The following NXPE1 variants were observed in gnomAD, a reference collection of about 807,000 sequenced individuals.
The protein encoded by NXPE1 is NXPE family member 1.
In NXPE1, 31 loss-of-function variants were observed where a neutral mutation model predicts 33.3. That is an observed-to-expected ratio of 0.93 (90% CI 0.70 to 1.26). The LOEUF is 1.26. Ranked by LOEUF, NXPE1 falls within the 50% of genes most tolerant of loss-of-function variation. The probability of loss-of-function intolerance (pLI) is 0.00; values close to 1 mark genes in which losing one functional copy is unlikely to be tolerated. For synonymous variants in NXPE1, 229 were observed against 231.4 expected, an observed-to-expected ratio of 0.99 and a Z score of 0.09; for missense variants, 661 against 655.6, an observed-to-expected ratio of 1.01 and a Z score of -0.09.
intron 5 of NXPE1, among the ~76,000 whole-genome samples, chr11:114,535,831 T>C (rs1358517197): frequency 6.6e-6 from 1 of 152,088 alleles, no homozygotes; most frequent in African/African-American, 2.4e-5. Flanking sequence ...ACAATAATAA[T>C]GGGAGACGTT....
In NXPE1 at chr11:114,540,885, T is replaced by TTTTTG. The variant is rs754802719; in HGVS notation, c.100-9978_100-9977insCAAAA. On this transcript the variant is annotated intron_variant, in intron 5 of 8. Transcript: ENST00000534921. The stretch of plus-strand genomic sequence containing the variant: ...TTTTTTTTTTTTTTTTTTTTTTTTT[T>TTTTTG]GGCTTGAACAACCTGAGAGCAGAGT... Among the ~76,000 whole-genome samples the TTTTTG allele has an allele frequency of 9.8e-5, 8 of 81,290 alleles. 3 individuals carry two copies. The highest frequency in any genetic ancestry group is 4.0e-4 in the South Asian group (1 of 2,526). The allele number at this position is 81,290 out of a possible 152,430, so 53.3% of individuals were successfully genotyped here.
chr11:114,530,986 G>A (rs757118228), intron 5 of NXPE1, 78 bp from the exon 6 acceptor site: 80 of 1,351,710 alleles, frequency 5.9e-5, no homozygotes, highest in Middle Eastern at 1.9e-4. Flanking sequence ...TTGAATATTT[G>A]TTTACAGTGA....
At chr11:114,545,634 G>C (rs370650462) in intron 5 of NXPE1, among the ~76,000 whole-genome samples, 1 of 151,920 alleles carries the variant, frequency 6.6e-6, no homozygotes, top group Non-Finnish European at 1.5e-5. Flanking sequence ...GTATGATACT[G>C]TTGTGTATAC....
intron 5 of NXPE1, among the ~76,000 whole-genome samples, chr11:114,533,678 T>TACGC (rs1947677185): frequency 6.6e-6 from 1 of 152,214 alleles, no homozygotes; most frequent in Non-Finnish European, 1.5e-5. Flanking sequence ...CCACGGAGCC[T>TACGC]TGCTCATTGC....
At chr11:114,519,006 G>T (rs962617625), downstream of NXPE1, among the ~76,000 whole-genome samples, 3 of 152,160 alleles carry the variant, frequency 2.0e-5, no homozygotes, top group Admixed American at 2.0e-4. Context: ...ACAGGGACAA[G>T]ATTTCCAGAT....
intron 5 of NXPE1, among the ~76,000 whole-genome samples, chr11:114,544,556 C>A (rs955418877): frequency 6.6e-6 from 1 of 152,032 alleles, no homozygotes; most frequent in Non-Finnish European, 1.5e-5. Context: ...ACAGACCTCA[C>A]AATTGACAGA....
intron 8 of NXPE1, 92 bp downstream of exon 8, chr11:114,522,787 A>G: frequency 1.1e-6 from 1 of 924,306 alleles, no homozygotes; most frequent in Non-Finnish European, 1.7e-6. Context: ...TGAAGTAAAA[A>G]ACAAAATAGC....
intron 5 of NXPE1, among the ~76,000 whole-genome samples, chr11:114,541,511 C>T (rs4938116): frequency 0.23 from 34,495 of 152,138 alleles, 5,508 homozygotes; most frequent in African/African-American, 0.44. Flanking sequence ...TGAGCGACCA[C>T]GACACGTGAC....
chr11:114,552,767 T>G (rs1948540945), intron 2 of NXPE1, 85 bp downstream of exon 2: 1 of 452,206 alleles, frequency 2.2e-6, no homozygotes, highest in Non-Finnish European at 2.9e-6. Context: ...AAAGTATGAT[T>G]GCTATTGCAC....
At chr11:114,548,716 T>G (rs1263622964) in intron 5 of NXPE1, among the ~76,000 whole-genome samples, 6 of 151,716 alleles carry the variant, frequency 4.0e-5, no homozygotes, top group African/African-American at 1.4e-4. Context: ...GAGATAAAAC[T>G]AAATGAATTA....
chr11:114,530,278 A>T, exon 6 of NXPE1: 11 of 1,614,226 alleles, frequency 6.8e-6, no homozygotes, highest in Non-Finnish European at 9.3e-6. Flanking sequence ...GGCTTCATAC[A>T]ATAGAAGGCT....
At chr11:114,552,930 G>C in intron 1 of NXPE1, 50 bp from the exon 2 acceptor site, 2 of 817,374 alleles carry the variant, frequency 2.4e-6, no homozygotes, top group Non-Finnish European at 1.5e-6. Flanking sequence ...ATTTATGTTG[G>C]ATTAGAATAC....
chr11:114,558,365 A>G (rs1303913954), intron 1 of NXPE1, among the ~76,000 whole-genome samples: 1 of 152,156 alleles, frequency 6.6e-6, no homozygotes, highest in African/African-American at 2.4e-5. Context: ...AGATGATTAG[A>G]AGTGGCCATA....
intron 6 of NXPE1, among the ~76,000 whole-genome samples, chr11:114,528,314 C>T (rs1246056944): frequency 6.6e-6 from 1 of 152,142 alleles, no homozygotes; most frequent in East Asian, 1.9e-4. Flanking sequence ...AATACGACTG[C>T]CAGAGCACCC....
chr11:114,540,885 T>TTG lies in NXPE1; in HGVS notation c.100-9978_100-9977insCA, dbSNP rs754802719. The stretch of plus-strand genomic sequence containing the variant: ...TTTTTTTTTTTTTTTTTTTTTTTTT[T>TTG]GGCTTGAACAACCTGAGAGCAGAGT... On this transcript the variant is annotated intron_variant, in intron 5 of 8. Coordinates refer to ENST00000534921, the Ensembl canonical transcript of NXPE1. Among the ~76,000 whole-genome samples the TTG allele has an allele frequency of 1.7e-4, 14 of 81,290 alleles. 5 individuals carry two copies. The East Asian group carries it at 1.7e-3, about 10-fold the overall frequency. 53.3% of individuals were successfully genotyped at this position (81,290 alleles called of 152,430 possible).
At chr11:114,538,489 G>A (rs966127051) in intron 5 of NXPE1, among the ~76,000 whole-genome samples, 2 of 152,086 alleles carry the variant, frequency 1.3e-5, no homozygotes, top group African/African-American at 2.4e-5. Context: ...AGAGTGAACA[G>A]GCAACCTACA....
exon 9 of NXPE1, chr11:114,522,104 T>C (rs976156009): frequency 1.9e-6 from 3 of 1,614,112 alleles, no homozygotes; most frequent in Non-Finnish European, 2.5e-6. Flanking sequence ...GAAAATATCC[T>C]TCATGATAAG....
chr11:114,550,740 A>T (rs1262269415), intron 5 of NXPE1, among the ~76,000 whole-genome samples: 2 of 152,332 alleles, frequency 1.3e-5, no homozygotes, highest in African/African-American at 2.4e-5. Context: ...TAACTTTTGC[A>T]TGGAAAAGGA....
chr11:114,531,622 A>G (rs1360399041), intron 5 of NXPE1, among the ~76,000 whole-genome samples: 2 of 152,056 alleles, frequency 1.3e-5, no homozygotes. Flanking sequence ...CCTATTTTCA[A>G]CTCTACTTCT....
Sources: gnomAD v4.1 joint callset for allele counts (sites outside exome capture counted in the v4.1 genomes callset) on GRCh38, gnomAD v4.1.1 for gene constraint, MANE v1.5 for transcripts, NCBI Gene and HGNC (gene_info 2026-07-23, HGNC 2026-07-21) for gene names.